The following ARHGAP10 variants were observed in gnomAD, a reference collection of about 807,000 sequenced individuals.
The protein encoded by ARHGAP10 is Rho GTPase activating protein 10.
In ARHGAP10, 87 loss-of-function variants were observed where a neutral mutation model predicts 108.6. The observed-to-expected ratio is 0.80, with a 90% confidence interval of 0.67 to 0.96. The LOEUF (loss-of-function observed/expected upper bound fraction) is 0.96, where lower values mean the gene tolerates loss of function less well. ARHGAP10 is among the 40% of genes least tolerant of loss of function. ARHGAP10 has a pLI of 0.00. For synonymous variants in ARHGAP10, 347 were observed against 341.1 expected (o/e 1.02, Z -0.19); for missense variants, 939 against 954.5 (o/e 0.98, Z 0.21).
At chr4:147,973,174 A>T (rs1478737623) in intron 18 of ARHGAP10, among the ~76,000 whole-genome samples, 1 of 152,152 alleles carries the variant, frequency 6.6e-6, no homozygotes, top group Non-Finnish European at 1.5e-5. Flanking sequence ...TTGTCATATG[A>T]CAAGAATAAA....
intron 18 of ARHGAP10, chr4:148,022,910 G>A (rs533633648): frequency 6.2e-6 from 1 of 161,352 alleles, no homozygotes; most frequent in African/African-American, 2.4e-5. Context: ...AAAATTTAAT[G>A]GAATACTTGT....
intron 4 of ARHGAP10, among the ~76,000 whole-genome samples, chr4:147,851,893 G>A (rs1269511335): frequency 6.6e-6 from 1 of 152,164 alleles, no homozygotes; most frequent in South Asian, 2.1e-4. Flanking sequence ...AGTCTTTCAG[G>A]AAGAGTTAAT....
chr4:147,747,243 AT>A (rs1331381620), intron 1 of ARHGAP10, among the ~76,000 whole-genome samples: 1 of 152,134 alleles, frequency 6.6e-6, no homozygotes, highest in Non-Finnish European at 1.5e-5. Flanking sequence ...TCTACAGGGA[AT>A]AAAATGCCTC....
intron 17 of ARHGAP10, 53 bp downstream of exon 17, chr4:147,965,182 G>A: frequency 7.0e-7 from 1 of 1,422,946 alleles, no homozygotes; most frequent in Non-Finnish European, 9.7e-7. Context: ...TAGGTGCTGG[G>A]TAGTGCTCTG....
intron 18 of ARHGAP10, among the ~76,000 whole-genome samples, chr4:147,969,233 T>G (rs1259322888): frequency 6.6e-6 from 1 of 151,998 alleles, no homozygotes; most frequent in African/African-American, 2.4e-5. Context: ...TGGGTTCTCA[T>G]GGAAAAGATA....
At chr4:148,045,525 T>A (rs1381115275) in intron 19 of ARHGAP10, among the ~76,000 whole-genome samples, 1 of 151,982 alleles carries the variant, frequency 6.6e-6, no homozygotes, top group Non-Finnish European at 1.5e-5. Context: ...GCGGATCACC[T>A]GAGGTCAGGA....
At chr4:148,059,996 GGAGAGAGAGGAGA>G (rs1290219166) in intron 20 of ARHGAP10, among the ~76,000 whole-genome samples, 1 of 129,238 alleles carries the variant, frequency 7.7e-6, no homozygotes, top group African/African-American at 2.9e-5. Context: ...GAGAGAGAGG[GGAGAGAGAGGAGA>G]GAGAGAGGGG....
At chr4:147,935,846 T>A (rs536369193) in intron 13 of ARHGAP10, among the ~76,000 whole-genome samples, 5 of 152,358 alleles carry the variant, frequency 3.3e-5, no homozygotes, top group Admixed American at 2.0e-4. Context: ...AAATTTCATT[T>A]AAAAATGTAG....
intron 19 of ARHGAP10, among the ~76,000 whole-genome samples, chr4:148,043,107 A>G (rs1480711127): frequency 6.6e-6 from 1 of 152,224 alleles, no homozygotes; most frequent in Non-Finnish European, 1.5e-5. Context: ...AAACCAGTAT[A>G]TGATGGCGAA....
chr4:147,798,721 GACACTCTCTC>G (rs1449621739), intron 1 of ARHGAP10, among the ~76,000 whole-genome samples: 1 of 116,214 alleles, frequency 8.6e-6, no homozygotes, highest in African/African-American at 4.8e-5. Context: ...AGGAGTTTGA[GACACTCTCTC>G]TCTCTCTCTC....
intron 1 of ARHGAP10, among the ~76,000 whole-genome samples, chr4:147,792,309 C>T (rs188461671): frequency 2.0e-5 from 3 of 152,170 alleles, no homozygotes; most frequent in Admixed American, 6.5e-5. Flanking sequence ...TATCTTTTCA[C>T]GTATTTATTG....
intron 1 of ARHGAP10, among the ~76,000 whole-genome samples, chr4:147,806,103 A>G (rs17023844): frequency 0.12 from 18,356 of 152,108 alleles, 3,187 homozygotes; most frequent in African/African-American, 0.38. Context: ...TACCATGCAC[A>G]CATACTGACG....
chr4:148,001,200 G>A (rs1470176949), intron 18 of ARHGAP10, among the ~76,000 whole-genome samples: 1 of 152,096 alleles, frequency 6.6e-6, no homozygotes, highest in Non-Finnish European at 1.5e-5. Flanking sequence ...ATTTTTGTCA[G>A]GTTTGTCAAA....
At chr4:147,812,333 C>A (rs1358968527) in intron 1 of ARHGAP10, among the ~76,000 whole-genome samples, 1 of 152,100 alleles carries the variant, frequency 6.6e-6, no homozygotes, top group African/African-American at 2.4e-5. Flanking sequence ...TCAGGAGGTC[C>A]AGGCCCGTGT....
At chr4:147,893,748 G>A (rs1436007766) in intron 10 of ARHGAP10, among the ~76,000 whole-genome samples, 2 of 151,796 alleles carry the variant, frequency 1.3e-5, no homozygotes, top group African/African-American at 2.4e-5. Flanking sequence ...TCAGTTACTC[G>A]GGAACTACCA....
intron 10 of ARHGAP10, among the ~76,000 whole-genome samples, chr4:147,900,167 C>G (rs2126898961): frequency 6.6e-6 from 1 of 152,238 alleles, no homozygotes; most frequent in East Asian, 1.9e-4. Context: ...TTAATAGATA[C>G]AGAGTGAAAT....
intron 1 of ARHGAP10, among the ~76,000 whole-genome samples, chr4:147,786,944 T>C (rs1730914241): frequency 6.6e-6 from 1 of 152,212 alleles, no homozygotes; most frequent in South Asian, 2.1e-4. Flanking sequence ...CTGGACTCAG[T>C]TTAGAGGATG....
At chr4:148,052,834 C>G (rs1276404963) in intron 20 of ARHGAP10, among the ~76,000 whole-genome samples, 1 of 152,116 alleles carries the variant, frequency 6.6e-6, no homozygotes, top group African/African-American at 2.4e-5. Flanking sequence ...GAGGAACATG[C>G]TGCCTTGCTG....
intron 1 of ARHGAP10, among the ~76,000 whole-genome samples, chr4:147,818,669 C>T (rs1384123269): frequency 1.3e-5 from 2 of 151,772 alleles, no homozygotes; most frequent in East Asian, 3.9e-4. Context: ...CTAACTTAGT[C>T]AGAAACTGCT....
Sources: allele counts gnomAD v4.1 joint callset (sites outside exome capture counted in the v4.1 genomes callset), GRCh38; gene constraint gnomAD v4.1.1; transcripts MANE v1.5; gene names NCBI Gene and HGNC (gene_info 2026-07-23, HGNC 2026-07-21).